Variants in CRTAC1 observed in about 807,000 individuals in gnomAD.
CRTAC1 encodes cartilage acidic protein 1.
A neutral mutation model predicts 67.8 loss-of-function variants in CRTAC1; 37 were observed. The ratio of observed to expected loss-of-function variants is 0.55; its 90% CI spans 0.42 to 0.72. CRTAC1 has a LOEUF of 0.72. Ranked by LOEUF, CRTAC1 falls within the 30% of genes least tolerant of loss-of-function variation. The pLI is 0.00. For missense variants in CRTAC1, 780 were observed against 931.6 expected (o/e 0.84, Z 2.12); for synonymous variants, 348 against 371.0 (o/e 0.94, Z 0.71).
At chr10:97,977,717 T>C (rs760592101) in intron 2 of CRTAC1, among the ~76,000 whole-genome samples, 3 of 152,104 alleles carry the variant, frequency 2.0e-5, no homozygotes, top group Non-Finnish European at 4.4e-5. Context: ...AACTGAGAAA[T>C]GTTGGCTTTA....
chr10:97,897,036 C>T (rs536361893), intron 8 of CRTAC1, 45 bp from the exon 9 acceptor site: 66 of 1,432,894 alleles, frequency 4.6e-5, no homozygotes, highest in African/African-American at 3.1e-4. Flanking sequence ...TCTCAGAGGC[C>T]GCTGGACCAG....
intron 5 of CRTAC1, among the ~76,000 whole-genome samples, 164 bp from the exon 6 acceptor site, chr10:97,908,311 A>G (rs1465692568): frequency 1.3e-5 from 2 of 152,160 alleles, no homozygotes; most frequent in African/African-American, 4.8e-5. Flanking sequence ...ATCTGGGCTC[A>G]TGGTCTCCAT....
chr10:97,883,986 C>T (rs1006197331), intron 12 of CRTAC1, among the ~76,000 whole-genome samples: 5 of 152,234 alleles, frequency 3.3e-5, no homozygotes, highest in African/African-American at 1.2e-4. Flanking sequence ...AATGCTTGCC[C>T]TGCCAATACA....
At chr10:98,019,255 C>T (rs1303022641) in intron 1 of CRTAC1, among the ~76,000 whole-genome samples, 1 of 152,184 alleles carries the variant, frequency 6.6e-6, no homozygotes, top group Non-Finnish European at 1.5e-5. Flanking sequence ...TCCCTATCTA[C>T]AGACCCCGCC....
In CRTAC1 at chr10:98,029,677, C is replaced by A. The variant is rs1346310539; in HGVS notation, c.24+772G>T. On this transcript the variant is annotated intron_variant, in intron 1 of 14. Coordinates refer to ENST00000370597, the MANE Select transcript of CRTAC1 (RefSeq NM_018058.7). The surrounding 1 kb of genome is among the most constrained non-coding windows in gnomAD (Gnocchi z 4.7). ...TGCTTTCTGCAGAAGCGGGACTAAC[C>A]AGGGCTCCCAACTACTGTACTGCAA... Among the ~76,000 whole-genome samples the A allele has an allele frequency of 6.6e-6, 1 of 152,326 alleles. No individual in the cohort carries two copies. The highest frequency in any genetic ancestry group is 1.9e-4 in the East Asian group (1 of 5,176).
chr10:97,976,888 C>A (rs1256114030), intron 2 of CRTAC1, among the ~76,000 whole-genome samples: 1 of 152,192 alleles, frequency 6.6e-6, no homozygotes, highest in Non-Finnish European at 1.5e-5. Flanking sequence ...CTTTATACAG[C>A]TCAATAAGTG....
chr10:97,933,828 T>A (rs574383584), intron 3 of CRTAC1, among the ~76,000 whole-genome samples: 2 of 152,334 alleles, frequency 1.3e-5, no homozygotes, highest in Admixed American at 6.5e-5. Context: ...GCCTTCCACC[T>A]TGGTGTATGC....
At chr10:97,971,976 G>T (rs1243955339) in intron 2 of CRTAC1, among the ~76,000 whole-genome samples, 1 of 152,146 alleles carries the variant, frequency 6.6e-6, no homozygotes, top group African/African-American at 2.4e-5. Context: ...CTTTTACCTG[G>T]AAGACAGCCA....
In CRTAC1 at chr10:97,923,408, G is replaced by A. The variant is rs1300939786; in HGVS notation, c.422-8C>T. On this transcript the variant is annotated splice_region_variant and splice_polypyrimidine_tract_variant and intron_variant, in intron 3 of 14. Transcript: ENST00000370597. ...CGGTGTACGTGGCCACCCCTGGAGAGAGGAGGAAAGGGAGGGCTGGTGGAC... is the reference window on the plus strand; with the variant it reads ...CGGTGTACGTGGCCACCCCTGGAGAAAGGAGGAAAGGGAGGGCTGGTGGAC... 6.2e-7 allele frequency: 1 copy of A among 1,614,120 alleles called. No individual in the cohort carries two copies. The highest frequency in any genetic ancestry group is 1.7e-5 in the Admixed American group (1 of 60,030).
At chr10:98,010,045 T>TC (rs1281861346) in intron 2 of CRTAC1, among the ~76,000 whole-genome samples, 1 of 151,650 alleles carries the variant, frequency 6.6e-6, no homozygotes, top group Non-Finnish European at 1.5e-5. Context: ...CACAATCTTT[T>TC]TTTTTTTTTT....
chr10:97,870,734 G>A (rs897349207), intron 14 of CRTAC1: 25 of 72,902 alleles, frequency 3.4e-4, no homozygotes, highest in African/African-American at 1.4e-3. Flanking sequence ...TCTATGTTAC[G>A]TGTGTGTGTG....
intron 2 of CRTAC1, among the ~76,000 whole-genome samples, chr10:97,981,284 C>T (rs1200890800): frequency 6.6e-6 from 1 of 152,154 alleles, no homozygotes; most frequent in African/African-American, 2.4e-5. Flanking sequence ...ATAAAATTAA[C>T]CTCTAAACCA....
At chr10:97,870,443 G>GT (rs2050079904) in intron 14 of CRTAC1, 1 of 152,128 alleles carries the variant, frequency 6.6e-6, no homozygotes, top group South Asian at 2.1e-4. Context: ...ATTACCCTGG[G>GT]TCGGGGGTAG....
At chr10:97,926,706 T>C (rs1006914829) in intron 3 of CRTAC1, among the ~76,000 whole-genome samples, 7 of 152,232 alleles carry the variant, frequency 4.6e-5, no homozygotes, top group African/African-American at 1.7e-4. Flanking sequence ...GGACAGGTTT[T>C]GCTATCAATT....
chr10:97,977,379 T>C (rs2051824299), intron 2 of CRTAC1, among the ~76,000 whole-genome samples: 1 of 152,170 alleles, frequency 6.6e-6, no homozygotes, highest in Non-Finnish European at 1.5e-5. Flanking sequence ...TCAGGAGCTA[T>C]AATTGCATCT....
At chr10:97,887,946 G>C (rs749484272) in intron 11 of CRTAC1, among the ~76,000 whole-genome samples, 1 of 152,260 alleles carries the variant, frequency 6.6e-6, no homozygotes, top group East Asian at 1.9e-4. Flanking sequence ...TGATGCTAAC[G>C]CATCGAAACT....
chr10:98,005,081 C>CATATATATATAT (rs1321278482), intron 2 of CRTAC1, among the ~76,000 whole-genome samples: 3 of 54,590 alleles, frequency 5.5e-5, no homozygotes, highest in African/African-American at 2.1e-4. Flanking sequence ...TAAAGTAATA[C>CATATATATATAT]ATATATATAT....
chr10:97,926,468 G>A (rs944989269), intron 3 of CRTAC1, among the ~76,000 whole-genome samples: 1 of 152,090 alleles, frequency 6.6e-6, no homozygotes, highest in African/African-American at 2.4e-5. Context: ...AAAATTCCTG[G>A]GAGTCAAATG....
At chr10:97,915,772 C>T (rs2050751471) in intron 5 of CRTAC1, among the ~76,000 whole-genome samples, 1 of 152,196 alleles carries the variant, frequency 6.6e-6, no homozygotes, top group Non-Finnish European at 1.5e-5. Context: ...AGAATAGTAA[C>T]ATGGTGGGCC....
Sources: allele counts gnomAD v4.1 joint callset (sites outside exome capture counted in the v4.1 genomes callset), GRCh38; gene constraint gnomAD v4.1.1; non-coding constraint Gnocchi (gnomAD v3.1); transcripts MANE v1.5; gene names NCBI Gene and HGNC (gene_info 2026-07-23, HGNC 2026-07-21).